PITPNC1: variants seen among roughly 807,000 people sequenced by gnomAD.
PITPNC1 encodes phosphatidylinositol transfer protein cytoplasmic 1, also known as cytoplasmic phosphatidylinositol transfer protein 1.
In PITPNC1, 18 loss-of-function variants were observed where a neutral mutation model predicts 44.7. The ratio of observed to expected loss-of-function variants is 0.40; its 90% CI spans 0.28 to 0.60. The LOEUF (loss-of-function observed/expected upper bound fraction) is 0.60, where lower values mean the gene tolerates loss of function less well. Ranked by LOEUF, PITPNC1 falls within the 20% of genes least tolerant of loss-of-function variation. The probability of loss-of-function intolerance (pLI) is 0.39; values close to 1 mark genes in which losing one functional copy is unlikely to be tolerated. For synonymous variants in PITPNC1, 141 were observed against 149.6 expected (o/e 0.94, Z 0.42); for missense variants, 290 against 418.4 (o/e 0.69, Z 2.68).
intron 5 of PITPNC1, among the ~76,000 whole-genome samples, chr17:67,624,354 G>A (rs1448850188): frequency 2.6e-5 from 4 of 151,368 alleles, no homozygotes; most frequent in African/African-American, 9.7e-5. Flanking sequence ...TGAGACCACA[G>A]ATCCATGCCA....
intron 1 of PITPNC1, among the ~76,000 whole-genome samples, chr17:67,419,674 C>T (rs974522905): frequency 6.6e-6 from 1 of 152,130 alleles, no homozygotes; most frequent in African/African-American, 2.4e-5. Flanking sequence ...GGGAGGCCGA[C>T]GCAGGCGGAT....
intron 7 of PITPNC1, among the ~76,000 whole-genome samples, chr17:67,674,258 C>T (rs1271843594): frequency 1.3e-5 from 2 of 152,068 alleles, no homozygotes; most frequent in Non-Finnish European, 2.9e-5. Context: ...AATCCCAGCA[C>T]TTTGGGAGGC....
intron 2 of PITPNC1, among the ~76,000 whole-genome samples, chr17:67,540,168 A>C (rs2040587505): frequency 6.6e-6 from 1 of 151,780 alleles, no homozygotes. Context: ...CAGTGGCATG[A>C]TCTTGGCTCA....
At chr17:67,410,407 C>G (rs1362045415) in intron 1 of PITPNC1, among the ~76,000 whole-genome samples, 1 of 152,102 alleles carries the variant, frequency 6.6e-6, no homozygotes, top group Admixed American at 6.6e-5. Context: ...GAGACAGGGT[C>G]TCACTCTGTC....
chr17:67,533,415 T>C (rs1246778887), intron 2 of PITPNC1, among the ~76,000 whole-genome samples: 1 of 152,198 alleles, frequency 6.6e-6, no homozygotes, highest in Non-Finnish European at 1.5e-5. Context: ...CGAAATGTGA[T>C]CTTAAGAATT....
intron 2 of PITPNC1, among the ~76,000 whole-genome samples, chr17:67,548,206 A>C (rs765665718): frequency 2.0e-5 from 3 of 152,240 alleles, no homozygotes; most frequent in Non-Finnish European, 4.4e-5. Context: ...TGGGACTTTC[A>C]GTGTTAAAAC....
At chr17:67,393,928 G>GT (rs1219140375) in intron 1 of PITPNC1, among the ~76,000 whole-genome samples, 1 of 152,082 alleles carries the variant, frequency 6.6e-6, no homozygotes, top group African/African-American at 2.4e-5. Context: ...AGTTAACCGT[G>GT]TAACATTTTC....
intron 1 of PITPNC1, among the ~76,000 whole-genome samples, chr17:67,514,189 T>TTTTTTG (rs1011144578): frequency 2.6e-4 from 39 of 151,702 alleles, no homozygotes; most frequent in African/African-American, 6.0e-4. Flanking sequence ...AATTCACGGG[T>TTTTTTG]TTTTTGTTTT....
chr17:67,439,866 C>T (rs1054035500), intron 1 of PITPNC1, among the ~76,000 whole-genome samples: 6 of 151,766 alleles, frequency 4.0e-5, no homozygotes, highest in South Asian at 2.1e-4. Flanking sequence ...GTATCTCAGC[C>T]GGTGATGAAT....
intron 8 of PITPNC1, among the ~76,000 whole-genome samples, chr17:67,679,140 T>C (rs1312713738): frequency 6.6e-6 from 1 of 152,232 alleles, no homozygotes; most frequent in South Asian, 2.1e-4. Flanking sequence ...ACTGGGACAT[T>C]GGGTTGTAAG....
At chr17:67,580,883 T>C (rs1339048990) in intron 5 of PITPNC1, among the ~76,000 whole-genome samples, 2 of 152,188 alleles carry the variant, frequency 1.3e-5, no homozygotes, top group African/African-American at 2.4e-5. Flanking sequence ...ACCCCATCTC[T>C]GCAAAATTAA....
chr17:67,631,656 A>AT (rs59102417), intron 5 of PITPNC1, among the ~76,000 whole-genome samples: 1 of 38,270 alleles, frequency 2.6e-5, no homozygotes, highest in East Asian at 5.8e-4. Flanking sequence ...AAAAAAAAAA[A>AT]AATATATATA....
At position 67,447,900 on chromosome 17, in the gene PITPNC1, TTCTTTCTTTCTCTCTCTGTCTCTC is replaced by T. The variant is rs777321695; in HGVS notation, c.48+69711_48+69734del. On this transcript the variant is annotated intron_variant, in intron 1 of 8. Transcript: ENST00000581322. ...TCTGGGATCCCAGCTATCTCTTTCT[TTCTTTCTTTCTCTCTCTGTCTCTC>T]TCTTTCTTTCTCCTTCCTTCCTTCC... Among the ~76,000 whole-genome samples, 21 of 152,068 alleles carry T rather than the reference TTCTTTCTTTCTCTCTCTGTCTCTC, an allele frequency of 1.4e-4. No individual in the cohort carries two copies. The East Asian group carries it at 4.1e-3, about 29-fold the overall frequency.
chr17:67,548,852 T>C (rs2040719538), intron 2 of PITPNC1, among the ~76,000 whole-genome samples: 2 of 152,052 alleles, frequency 1.3e-5, no homozygotes, highest in Admixed American at 1.3e-4. Context: ...TGAGCATGAG[T>C]GACAGACTTT....
intron 1 of PITPNC1, among the ~76,000 whole-genome samples, chr17:67,487,556 T>G (rs753685540): frequency 6.6e-6 from 1 of 152,222 alleles, no homozygotes; most frequent in Admixed American, 6.5e-5. Context: ...TTTCTCTGTA[T>G]CCATCTGAGC....
At chr17:67,411,823 A>C (rs544615159) in intron 1 of PITPNC1, among the ~76,000 whole-genome samples, 2 of 152,226 alleles carry the variant, frequency 1.3e-5, no homozygotes, top group Non-Finnish European at 2.9e-5. Flanking sequence ...TGTTTAATCT[A>C]CACAACAATC....
intron 4 of PITPNC1, among the ~76,000 whole-genome samples, chr17:67,565,334 A>G (rs1204170034): frequency 7.4e-6 from 1 of 134,616 alleles, no homozygotes; most frequent in Non-Finnish European, 1.6e-5. Flanking sequence ...TAGTTTTTCC[A>G]TGTTTTTTCA....
chr17:67,570,443 T>C (rs56261743), intron 4 of PITPNC1, among the ~76,000 whole-genome samples: 2 of 152,294 alleles, frequency 1.3e-5, no homozygotes, highest in Non-Finnish European at 2.9e-5. Flanking sequence ...AGCCATCAGG[T>C]GTCCTGTGGA....
intron 4 of PITPNC1, among the ~76,000 whole-genome samples, chr17:67,559,059 A>G (rs577929807): frequency 6.6e-5 from 10 of 152,298 alleles, no homozygotes; most frequent in African/African-American, 2.2e-4. Flanking sequence ...TTGCCCTCAC[A>G]GTCTGGGCCT....
Sources: gnomAD v4.1 joint callset for allele counts (sites outside exome capture counted in the v4.1 genomes callset) on GRCh38, gnomAD v4.1.1 for gene constraint, MANE v1.5 for transcripts, NCBI Gene and HGNC (gene_info 2026-07-23, HGNC 2026-07-21) for gene names.